BIN2: variants seen among roughly 807,000 people sequenced by gnomAD.
BIN2 encodes bridging integrator 2.
Under a neutral mutation model 67.9 loss-of-function variants are expected in BIN2, and 43 were observed. The ratio of observed to expected loss-of-function variants is 0.63; its 90% CI spans 0.50 to 0.82. BIN2 has a LOEUF of 0.82. Ranked by LOEUF, BIN2 falls within the 40% of genes least tolerant of loss-of-function variation. BIN2 has a pLI of 0.00. For synonymous variants in BIN2, 244 were observed against 246.8 expected (o/e 0.99, Z 0.11); for missense variants, 581 against 671.6 (o/e 0.87, Z 1.49).
intron 10 of BIN2, 53 bp from the exon 11 acceptor site, chr12:51,288,241 G>T: frequency 2.0e-6 from 3 of 1,475,494 alleles, no homozygotes; most frequent in South Asian, 2.3e-5. Flanking sequence ...TCCACCTGGG[G>T]GCCATCCCTG....
intron 7 of BIN2, among the ~76,000 whole-genome samples, chr12:51,297,530 G>A (rs1592262926): frequency 6.6e-6 from 1 of 152,086 alleles, no homozygotes; most frequent in East Asian, 1.9e-4. Flanking sequence ...TCGTGCCACT[G>A]CACTCCAGCC....
intron 8 of BIN2, among the ~76,000 whole-genome samples, chr12:51,296,707 T>C (rs1945577159): frequency 6.6e-6 from 1 of 152,150 alleles, no homozygotes; most frequent in South Asian, 2.1e-4. Context: ...ATTAGTCTTA[T>C]TTGAGACCAA....
chr12:51,323,313 T>A, intron 1 of BIN2: 1 of 151,442 alleles, frequency 6.6e-6, no homozygotes, highest in Non-Finnish European at 1.5e-5. Flanking sequence ...GTCCCCACAA[T>A]TTAGATTGCC....
Position 51,281,297 on chromosome 12 carries a change from C to T in BIN2, c.*202G>A, listed in dbSNP as rs1945114850. 1 of 605,350 alleles carries T rather than the reference C, an allele frequency of 1.7e-6. No individual in the cohort carries two copies. 37.5% of individuals were successfully genotyped at this position (605,350 alleles called of 1,614,324 possible). On this transcript the variant is annotated 3_prime_UTR_variant, in exon 13 of 13. Coordinates refer to ENST00000615107, the MANE Select transcript of BIN2 (RefSeq NM_016293.4). ...AAATATTCCCTGAGTCTAATGTTCT[C>T]TTCTCCCCAGCCTGCCTCCCTCCAT...
chr12:51,285,882 G>A (rs1228377991), intron 11 of BIN2, among the ~76,000 whole-genome samples: 1 of 152,078 alleles, frequency 6.6e-6, no homozygotes, highest in Non-Finnish European at 1.5e-5. Context: ...AAAGTGTTGG[G>A]ATTACAGGTG....
intron 2 of BIN2, among the ~76,000 whole-genome samples, chr12:51,306,484 A>G (rs533767743): frequency 3.7e-4 from 56 of 152,244 alleles, no homozygotes; most frequent in African/African-American, 1.3e-3. Context: ...AAAATTAGCC[A>G]GGTGTGGTGG....
chr12:51,316,100 G>C (rs912014724), intron 1 of BIN2, among the ~76,000 whole-genome samples: 1 of 152,084 alleles, frequency 6.6e-6, no homozygotes, highest in African/African-American at 2.4e-5. Flanking sequence ...GGCCCTCACT[G>C]TTTATTACCT....
chr12:51,281,546 T>A lies in BIN2; in HGVS notation c.1669-18A>T, dbSNP rs757155212. ...GTGGATACCTGGAAAGTAAACATGA[T>A]TGTGTTAGGTGTTGACCTGCCTTCC... On this transcript the variant is annotated intron_variant, in intron 12 of 12. Coordinates refer to ENST00000615107, the MANE Select transcript of BIN2 (RefSeq NM_016293.4). 3.7e-6 allele frequency: 6 copies of A among 1,613,978 alleles called. No homozygotes were observed. Among genetic ancestry groups the A allele is most frequent in the Non-Finnish European group, 4.2e-6 (5 of 1,179,882 alleles).
intron 2 of BIN2, among the ~76,000 whole-genome samples, chr12:51,309,206 G>A (rs2137419039): frequency 6.6e-6 from 1 of 152,176 alleles, no homozygotes; most frequent in African/African-American, 2.4e-5. Context: ...GATTGCTTGA[G>A]CCTAGGAGTT....
At chr12:51,284,614 T>C in intron 12 of BIN2, 102 bp downstream of exon 12, 1 of 907,340 alleles carries the variant, frequency 1.1e-6, no homozygotes, top group South Asian at 1.4e-5. Context: ...AGGGTATGGT[T>C]CACTGCCGGA....
chr12:51,290,006 C>T (rs995859158), intron 10 of BIN2, among the ~76,000 whole-genome samples: 7 of 152,128 alleles, frequency 4.6e-5, no homozygotes, highest in Non-Finnish European at 1.0e-4. Flanking sequence ...ACCCACCCTC[C>T]TGCCCCCACT....
At chr12:51,313,220 A>AAGGAAGGAAGGAAGGAAGGCAGGC (rs1319737260) in intron 2 of BIN2, among the ~76,000 whole-genome samples, 22 of 138,218 alleles carry the variant, frequency 1.6e-4, no homozygotes, top group East Asian at 1.0e-3. Context: ...GGAAGGAAGG[A>AAGGAAGGAAGGAAGGAAGGCAGGC]AGGCAGGAAG....
chr12:51,296,613 T>C (rs967513560), intron 8 of BIN2, among the ~76,000 whole-genome samples: 7 of 152,044 alleles, frequency 4.6e-5, no homozygotes, highest in African/African-American at 1.4e-4. Flanking sequence ...CTAATATAAA[T>C]GTTGTAGTAG....
intron 2 of BIN2, among the ~76,000 whole-genome samples, chr12:51,309,994 C>A (rs1304505084): frequency 6.6e-6 from 1 of 152,154 alleles, no homozygotes; most frequent in African/African-American, 2.4e-5. Context: ...CCCAGAGAGG[C>A]CTCCTAGTGA....
chr12:51,313,208 AAGGAAGGAAGGAAGGC>A (rs1946038871), intron 2 of BIN2, among the ~76,000 whole-genome samples: 1 of 142,862 alleles, frequency 7.0e-6, no homozygotes, highest in Non-Finnish European at 1.5e-5. Context: ...GGAAGGAAGG[AAGGAAGGAAGGAAGGC>A]AGGAAGGCAG....
chr12:51,281,346 G>A lies in BIN2; in HGVS notation c.*153C>T, dbSNP rs1160348541. The A allele has an allele frequency of 2.2e-5, 17 of 762,204 alleles. No homozygotes were observed. The highest frequency in any genetic ancestry group is 8.3e-5 in the South Asian group (5 of 60,316). The allele number at this position is 762,204 out of a possible 1,614,324, so 47.2% of individuals were successfully genotyped here. A position where few individuals can be genotyped will look rare whatever the true frequency, so the allele number is the denominator to read the frequency against. On this transcript the variant is annotated 3_prime_UTR_variant, in exon 13 of 13. Coordinates refer to ENST00000615107, the MANE Select transcript of BIN2 (RefSeq NM_016293.4). ...ATCCCTCCCGTAAGGCTGCTCCTCCGCCTCCATTAATGCCAGGTCTTTAGA... is the reference window on the plus strand; with the variant it reads ...ATCCCTCCCGTAAGGCTGCTCCTCCACCTCCATTAATGCCAGGTCTTTAGA...
chr12:51,287,611 G>C (rs1265476209), intron 11 of BIN2, among the ~76,000 whole-genome samples: 4 of 151,640 alleles, frequency 2.6e-5, no homozygotes, highest in Non-Finnish European at 4.4e-5. Flanking sequence ...AAACTGCTGG[G>C]ATTACAGGCG....
At chr12:51,296,987 T>A (rs1306803070) in intron 8 of BIN2, 102 bp downstream of exon 8, 2 of 1,072,620 alleles carry the variant, frequency 1.9e-6, no homozygotes, top group Non-Finnish European at 2.7e-6. Context: ...CCAAAATCTG[T>A]GGTGCCAATA....
In BIN2 at chr12:51,284,712, T is replaced by G. The variant is rs773054199; in HGVS notation, c.1668+4A>C. 5 of 1,601,844 alleles carry G rather than the reference T, an allele frequency of 3.1e-6. No homozygotes were observed. The South Asian group carries it at 5.5e-5, about 18-fold the overall frequency. ...CAATCTATTCTCTGTATATCTGGTC[T>G]TACCTCTTCTTGAGGTTCAGGTGCT... On this transcript the variant is annotated splice_donor_region_variant and intron_variant, in intron 12 of 12. Coordinates refer to ENST00000615107, the MANE Select transcript of BIN2 (RefSeq NM_016293.4).
Sources: allele counts gnomAD v4.1 joint callset (sites outside exome capture counted in the v4.1 genomes callset), GRCh38; gene constraint gnomAD v4.1.1; transcripts MANE v1.5; gene names NCBI Gene and HGNC (gene_info 2026-07-23, HGNC 2026-07-21).